The following LINGO2 variants were observed in gnomAD, a reference collection of about 807,000 sequenced individuals.
The protein encoded by LINGO2 is leucine rich repeat and Ig domain containing 2, also known as leucine-rich repeat and immunoglobulin-like domain-containing nogo receptor-interacting protein 2.
Under a neutral mutation model 30.6 loss-of-function variants are expected in LINGO2, and 14 were observed. The ratio of observed to expected loss-of-function variants is 0.46; its 90% CI spans 0.30 to 0.72. The LOEUF (loss-of-function observed/expected upper bound fraction) is 0.72. Among genes scored for constraint, LINGO2 ranks in the 30% least tolerant of loss-of-function variants. The pLI is 0.07. For synonymous variants in LINGO2, 317 were observed against 288.5 expected (o/e 1.10, Z -1.00); for missense variants, 729 against 751.7 (o/e 0.97, Z 0.35).
chr9:28,421,906 G>A (rs891617726), intron 2 of LINGO2, among the ~76,000 whole-genome samples: 1 of 151,844 alleles, frequency 6.6e-6, no homozygotes, highest in Non-Finnish European at 1.5e-5. Flanking sequence ...ACCATTCAAT[G>A]GGAAAAGAAC....
chr9:28,294,959 G>C (rs1823870695), intron 4 of LINGO2, among the ~76,000 whole-genome samples: 1 of 152,038 alleles, frequency 6.6e-6, no homozygotes, highest in Non-Finnish European at 1.5e-5. Context: ...TTATAGTATT[G>C]GCCTCTACAG....
chr9:28,454,378 G>A (rs1024104172), intron 2 of LINGO2, among the ~76,000 whole-genome samples: 19 of 151,834 alleles, frequency 1.3e-4, no homozygotes, highest in African/African-American at 4.1e-4. Flanking sequence ...CACAAACACA[G>A]GCCACCTTCA....
At chr9:28,800,317 T>G in the LINGO2 span, among the ~76,000 whole-genome samples, 1 of 152,120 alleles carries the variant, frequency 6.6e-6, no homozygotes, top group Non-Finnish European at 1.5e-5. Flanking sequence ...TTTTTTGGTA[T>G]GGCCTACCAG....
chr9:29,030,556 C>CTT, the LINGO2 span, among the ~76,000 whole-genome samples: 1 of 152,242 alleles, frequency 6.6e-6, no homozygotes, highest in Non-Finnish European at 1.5e-5. Flanking sequence ...GACCATGACA[C>CTT]TTTTGAAGAG....
chr9:28,442,747 C>T (rs1036423093), intron 2 of LINGO2, among the ~76,000 whole-genome samples: 4 of 152,060 alleles, frequency 2.6e-5, no homozygotes, highest in Non-Finnish European at 5.9e-5. Flanking sequence ...CAGTGTTGAA[C>T]ACCATCAGTG....
At chr9:28,477,155 C>A (rs1010273154) in intron 1 of LINGO2, among the ~76,000 whole-genome samples, 4 of 152,162 alleles carry the variant, frequency 2.6e-5, no homozygotes, top group Non-Finnish European at 4.4e-5. Flanking sequence ...AATCACTTTC[C>A]TTAAACTTCA....
At position 28,237,384 on chromosome 9, in the gene LINGO2, G is replaced by T. The variant is rs73429530; in HGVS notation, c.-87+57824C>A. Reference sequence around the variant, plus strand: ...ATGGGAAGGAAGAAAATAAGGAAGAGAAGACCACAAAACAACCAGAAAAGA... The same window carrying T: ...ATGGGAAGGAAGAAAATAAGGAAGATAAGACCACAAAACAACCAGAAAAGA... On this transcript the variant is annotated intron_variant, in intron 4 of 5. Coordinates refer to ENST00000379992, the Ensembl canonical transcript of LINGO2. 3.6e-3 allele frequency among the ~76,000 whole-genome samples: 552 copies of T among 151,824 alleles called. 1 individual carries two copies. Among genetic ancestry groups the T allele is most frequent in the African/African-American group, 0.013 (523 of 41,402 alleles).
chr9:28,992,114 G>A, the LINGO2 span, among the ~76,000 whole-genome samples: 2 of 152,138 alleles, frequency 1.3e-5, no homozygotes, highest in African/African-American at 4.8e-5. Context: ...CTATATTCAG[G>A]AAACCCATCT....
At chr9:28,214,000 G>A (rs930723859) in intron 4 of LINGO2, among the ~76,000 whole-genome samples, 18 of 151,194 alleles carry the variant, frequency 1.2e-4, no homozygotes, top group African/African-American at 2.4e-5. Context: ...AGACACAGGA[G>A]GATTTTTTGA....
intron 5 of LINGO2, among the ~76,000 whole-genome samples, chr9:27,974,709 A>C (rs1041766149): frequency 6.6e-6 from 1 of 152,180 alleles, no homozygotes; most frequent in Non-Finnish European, 1.5e-5. Context: ...AACAGGGAGC[A>C]GGTAATTAAA....
intron 4 of LINGO2, among the ~76,000 whole-genome samples, chr9:28,199,351 T>TCCTCCTCCTCCTCCTCCTCCTCCTCC (rs1290385489): frequency 6.7e-6 from 1 of 149,850 alleles, no homozygotes; most frequent in African/African-American, 2.4e-5. Context: ...CTTCTTTTTT[T>TCCTCCTCCTCCTCCTCCTCCTCCTCC]TTTTTTGAGA....
chr9:28,217,985 T>C (rs1460925857), intron 4 of LINGO2, among the ~76,000 whole-genome samples: 1 of 151,728 alleles, frequency 6.6e-6, no homozygotes, highest in Non-Finnish European at 1.5e-5. Flanking sequence ...GATATATTCT[T>C]AAAATGGTCT....
intron 2 of LINGO2, among the ~76,000 whole-genome samples, chr9:28,416,814 T>C (rs1210228650): frequency 6.6e-6 from 1 of 152,186 alleles, no homozygotes; most frequent in Non-Finnish European, 1.5e-5. Context: ...AATGTTAAGA[T>C]AAAGCCATAC....
chr9:28,613,836 G>C (rs993986449), intron 1 of LINGO2, among the ~76,000 whole-genome samples: 1 of 152,168 alleles, frequency 6.6e-6, no homozygotes, highest in African/African-American at 2.4e-5. Flanking sequence ...GTTTATGGAT[G>C]AGTGCAGCAG....
At chr9:28,530,059 G>C (rs968116348) in intron 1 of LINGO2, among the ~76,000 whole-genome samples, 1 of 151,870 alleles carries the variant, frequency 6.6e-6, no homozygotes, top group African/African-American at 2.4e-5. Flanking sequence ...TGAGCTTTTT[G>C]GGGGGAGTGA....
At chr9:28,404,059 T>G (rs1392728296) in intron 2 of LINGO2, among the ~76,000 whole-genome samples, 1 of 152,104 alleles carries the variant, frequency 6.6e-6, no homozygotes, top group East Asian at 1.9e-4. Flanking sequence ...TCTTTTCCCC[T>G]TAAAAACCAA....
intron 4 of LINGO2, among the ~76,000 whole-genome samples, chr9:28,028,167 T>C (rs1045543432): frequency 6.6e-6 from 1 of 152,186 alleles, no homozygotes; most frequent in African/African-American, 2.4e-5. Context: ...ACCGGTGTTT[T>C]AAGATAATGA....
At chr9:29,170,765 T>C in the LINGO2 span, among the ~76,000 whole-genome samples, 4 of 151,896 alleles carry the variant, frequency 2.6e-5, no homozygotes, top group East Asian at 3.9e-4. Flanking sequence ...ATAAACTCCA[T>C]AGGGGAAATA....
chr9:28,757,655 G>A, the LINGO2 span, among the ~76,000 whole-genome samples: 1 of 151,908 alleles, frequency 6.6e-6, no homozygotes, highest in Admixed American at 6.6e-5. Flanking sequence ...CCATTTTTGT[G>A]CTGCCATCCA....
Sources: allele counts gnomAD v4.1 joint callset (sites outside exome capture counted in the v4.1 genomes callset), GRCh38; gene constraint gnomAD v4.1.1; transcripts MANE v1.5; gene names NCBI Gene and HGNC (gene_info 2026-07-23, HGNC 2026-07-21).